IL12B: variants seen among roughly 807,000 people sequenced by gnomAD.
IL12B encodes interleukin 12B.
Under a neutral mutation model 39.2 loss-of-function variants are expected in IL12B, and 27 were observed. That is an observed-to-expected ratio of 0.69 (90% confidence interval 0.51 to 0.95). The LOEUF is 0.95. IL12B is among the 40% of genes least tolerant of loss of function. IL12B has a pLI of 0.00. For missense variants in IL12B, 351 were observed against 397.6 expected (o/e 0.88, Z 1.00); for synonymous variants, 142 against 152.1 (o/e 0.93, Z 0.49).
rs375159171 is a variant in IL12B, at chr5:159,320,467, C to G, written c.536G>C (p.Arg179Thr). 1.6e-4 allele frequency: 262 copies of G among 1,614,086 alleles called. No homozygotes were observed. The highest frequency in any genetic ancestry group is 8.8e-4 in the South Asian group (80 of 91,084). The change falls in exon 5 of 8, where the codon AGA (arginine) becomes ACA (threonine). Residue 179 changes from arginine to threonine, a missense_variant. Coordinates refer to ENST00000231228, the MANE Select transcript of IL12B (RefSeq NM_002187.3). Reference sequence around the variant, plus strand: ...ATACTCCTTGTTGTCCCCTCTGACTCTCTCTGCAGAGAGTGTAGCAGCTCC... The same window carrying G: ...ATACTCCTTGTTGTCCCCTCTGACTGTCTCTGCAGAGAGTGTAGCAGCTCC... ...TCGAATLSAE[R>T]VRGDNKEYEY... is the part of the protein sequence containing the mutation.
intron 2 of IL12B, 148 bp downstream of exon 2, chr5:159,326,547 T>A: frequency 3.1e-6 from 2 of 646,360 alleles, no homozygotes; most frequent in South Asian, 1.9e-5. Flanking sequence ...AAAAGAGAGA[T>A]ATGGCATTGC....
rs193116462 is a variant in IL12B at position 159,328,531 on chromosome 5, C to T, written c.1-1749G>A. On this transcript the variant is annotated intron_variant, in intron 1 of 7. Coordinates refer to ENST00000231228, the MANE Select transcript of IL12B (RefSeq NM_002187.3). ...GCAACCAATAACATATTAACTTGAA[C>T]CTAGAGGAAGAGGTAAGGGAACAAT... Among the ~76,000 whole-genome samples the T allele has an allele frequency of 3.2e-3, 487 of 152,248 alleles. 2 individuals are homozygous for T. Among genetic ancestry groups the T allele is most frequent in the African/African-American group, 0.011 (463 of 41,534 alleles).
At chr5:159,319,488 A>G (rs539940322) in intron 5 of IL12B, among the ~76,000 whole-genome samples, 1 of 151,908 alleles carries the variant, frequency 6.6e-6, no homozygotes, top group African/African-American at 2.4e-5. Context: ...TTTCACAAAG[A>G]CTCCTTCCTC....
At chr5:159,317,135 A>G (rs1360227264) in intron 6 of IL12B, among the ~76,000 whole-genome samples, 1 of 152,190 alleles carries the variant, frequency 6.6e-6, no homozygotes, top group Non-Finnish European at 1.5e-5. Context: ...AGAGAGACAG[A>G]TTTGCTCTAG....
rs547038738 is a variant in IL12B, at chr5:159,320,609, C to G, written c.483-89G>C. 45 of 1,088,266 alleles carry G rather than the reference C, an allele frequency of 4.1e-5. 1 individual carries two copies. In the South Asian group the frequency reaches 5.5e-4, roughly 13 times the overall value. 67.4% of individuals were successfully genotyped at this position (1,088,266 alleles called of 1,614,324 possible). A position where few individuals can be genotyped will look rare whatever the true frequency, so the allele number is the denominator to read the frequency against. On this transcript the variant is annotated intron_variant, in intron 4 of 7. Coordinates refer to ENST00000231228, the MANE Select transcript of IL12B (RefSeq NM_002187.3). ...GCCAGTAAGGCAGGTAAGGCCTCAA[C>G]TGTTGTCTGAGGACACAGTTTCTCC...
intron 1 of IL12B, 107 bp from the exon 2 acceptor site, chr5:159,326,889 A>G (rs1224695267): frequency 1.3e-6 from 1 of 772,892 alleles, no homozygotes; most frequent in African/African-American, 1.7e-5. Flanking sequence ...TTTGTGAACC[A>G]TATACACATT....
rs1318798256 is a variant in IL12B at position 159,320,672 on chromosome 5, C to T, written c.483-152G>A. On this transcript the variant is annotated intron_variant, in intron 4 of 7. Transcript: ENST00000231228. ...TTCTACCCAGAGGGTAAGAAACTGC[C>T]CTCCCCAGGAGAAAAAGCTTAAATT... 3 of 682,750 alleles carry T rather than the reference C, an allele frequency of 4.4e-6. No individual in the cohort carries two copies. The African/African-American group carries it at 5.4e-5, about 12-fold the overall frequency. The allele number at this position is 682,750 out of a possible 1,614,324, so 42.3% of individuals were successfully genotyped here.
chr5:159,318,648 T>C, intron 6 of IL12B, 88 bp downstream of exon 6: 3 of 1,180,504 alleles, frequency 2.5e-6, no homozygotes, highest in East Asian at 2.3e-5. Flanking sequence ...ATGGATGTCA[T>C]TGTTATTATC....
intron 2 of IL12B, chr5:159,325,580 G>A (rs773952181): frequency 1.3e-5 from 2 of 152,106 alleles, no homozygotes; most frequent in African/African-American, 2.4e-5. Flanking sequence ...TTGTAAAAAC[G>A]TTTTCACAAA....
chr5:159,316,347 C>T lies in IL12B; in HGVS notation c.*1-247G>A, dbSNP rs571053001. ...GAAAACCCTTCAGTGGGTTTCAGGG[C>T]CCGGGGCCCCCAGAACAAGATTCTG... On this transcript the variant is annotated intron_variant, in intron 7 of 7. Transcript: ENST00000231228. 2.0e-5 allele frequency among the ~76,000 whole-genome samples: 3 copies of T among 152,228 alleles called. No individual in the cohort carries two copies. The East Asian group carries it at 5.8e-4, about 29-fold the overall frequency.
At chr5:159,327,460 T>C (rs3213117) in intron 1 of IL12B, among the ~76,000 whole-genome samples, 2 of 152,322 alleles carry the variant, frequency 1.3e-5, no homozygotes, top group Non-Finnish European at 2.9e-5. Flanking sequence ...GCCCTTGCTG[T>C]AGGGGTTTAG....
Position 159,320,500 on chromosome 5 carries a change from A to G in IL12B, c.503T>C (p.Val168Ala). Residue 168 changes from valine (V) to alanine (A), a missense_variant, in exon 5 of 8, where the codon GTG becomes GCG. Physicochemically the swap from Val to Ala is moderately conservative, Grantham distance 64. Transcript: ENST00000231228. ...AGAGAGTGTAGCAGCTCCGCACGTC[A>G]CCCCTTGGGGGTCAGAAGAGCTGAA... is the stretch of plus-strand genomic sequence containing the variant. ...SSRGSSDPQG[V>A]TCGAATLSAE... The G allele has an allele frequency of 1.2e-6, 2 of 1,614,056 alleles. No homozygotes were observed. Among genetic ancestry groups the G allele is most frequent in the Non-Finnish European group, 1.7e-6 (2 of 1,179,964 alleles).
intron 6 of IL12B, among the ~76,000 whole-genome samples, chr5:159,317,078 G>C (rs943292937): frequency 6.6e-6 from 1 of 152,172 alleles, no homozygotes; most frequent in Non-Finnish European, 1.5e-5. Context: ...CAATTGCCTT[G>C]CCTCAAGACC....
At position 159,322,481 on chromosome 5, in the gene IL12B, T is replaced by G; in HGVS notation, c.395A>C (p.Glu132Ala). 1 of 1,613,750 alleles carries G rather than the reference T, an allele frequency of 6.2e-7. No individual in the cohort carries two copies. Among genetic ancestry groups the G allele is most frequent in the Non-Finnish European group, 8.5e-7 (1 of 1,179,660 alleles). ...GAAACGTCCAGAATAATTCTTGGCC[T>G]CGCATCTTAGAAAGGTCTTATTTTT... is the stretch of plus-strand genomic sequence containing the variant. ...EPKNKTFLRC[E>A]AKNYSGRFTC... Residue 132 changes from glutamate (E) to alanine (A), a missense_variant, in exon 4 of 8, where the codon GAG (glutamate) becomes GCG (alanine). Glu to Ala is a moderately radical substitution (Grantham distance 107). Coordinates refer to ENST00000231228, the MANE Select transcript of IL12B (RefSeq NM_002187.3).
rs942656990 is a variant in IL12B at position 159,315,792 on chromosome 5, C to T, written c.*309G>A. 6.5e-6 allele frequency: 1 copy of T among 152,736 alleles called. No individual in the cohort carries two copies. Among genetic ancestry groups the T allele is most frequent in the African/African-American group, 2.4e-5 (1 of 41,434 alleles). 9.5% of individuals were successfully genotyped at this position (152,736 alleles called of 1,614,324 possible). The stretch of plus-strand genomic sequence containing the variant: ...TCATAAGAGTATGAAACATTCCATA[C>T]ATCCTGGCAGACAAACGTTAAATAA... On this transcript the variant is annotated 3_prime_UTR_variant, in exon 8 of 8. Transcript: ENST00000231228.
At chr5:159,325,181 C>T (rs1754164875) in intron 2 of IL12B, among the ~76,000 whole-genome samples, 1 of 152,166 alleles carries the variant, frequency 6.6e-6, no homozygotes, top group African/African-American at 2.4e-5. Flanking sequence ...GTTTCTCACA[C>T]TGATTTTCTG....
Position 159,320,526 on chromosome 5 carries a change from G to C in IL12B, c.483-6C>G, listed in dbSNP as rs373640168. 62 of 1,611,848 alleles carry C rather than the reference G, an allele frequency of 3.8e-5. No homozygotes were observed. The highest frequency in any genetic ancestry group is 5.1e-5 in the Non-Finnish European group (60 of 1,178,182). On this transcript the variant is annotated splice_region_variant and splice_polypyrimidine_tract_variant and intron_variant, in intron 4 of 7. Transcript: ENST00000231228. ...CCCCTTGGGGGTCAGAAGAGCTGAA[G>C]TCAAAGACAGAAATTAGCCTGTGTT... is the stretch of plus-strand genomic sequence containing the variant.
At chr5:159,316,645 G>A (rs1366803879) in intron 7 of IL12B, 40 bp downstream of exon 7, 2 of 1,587,952 alleles carry the variant, frequency 1.3e-6, no homozygotes, top group South Asian at 1.1e-5. Context: ...CAGGTGCACT[G>A]AGAGTGCAGG....
At chr5:159,317,597 C>G (rs549638162) in intron 6 of IL12B, among the ~76,000 whole-genome samples, 1 of 152,082 alleles carries the variant, frequency 6.6e-6, no homozygotes, top group Non-Finnish European at 1.5e-5. Flanking sequence ...GAGTCTGGGG[C>G]GGTACAAAAG....
Sources: gnomAD v4.1 joint callset for allele counts (sites outside exome capture counted in the v4.1 genomes callset) on GRCh38, gnomAD v4.1.1 for gene constraint, MANE v1.5 for transcripts, NCBI Gene and HGNC (gene_info 2026-07-23, HGNC 2026-07-21) for gene names.